Variants in SLC25A17 observed in about 807,000 individuals in gnomAD.
The protein encoded by SLC25A17 is solute carrier family 25 member 17.
SLC25A17 carries 26 observed loss-of-function variants against 38.5 expected under a neutral mutation model. That is an observed-to-expected ratio of 0.68 (90% confidence interval 0.50 to 0.94). The LOEUF is 0.94. SLC25A17 is among the 40% of genes least tolerant of loss of function. The pLI is 0.00. For synonymous variants in SLC25A17, 139 were observed against 136.2 expected, an observed-to-expected ratio of 1.02 and a Z score of -0.14; for missense variants, 333 against 372.7, an observed-to-expected ratio of 0.89 and a Z score of 0.88.
At chr22:40,791,774 T>C (rs2145674290) in intron 4 of SLC25A17, among the ~76,000 whole-genome samples, 1 of 152,286 alleles carries the variant, frequency 6.6e-6, no homozygotes, top group Admixed American at 6.5e-5. Context: ...TATGGGAACT[T>C]CTGTGTACTG....
intron 7 of SLC25A17, among the ~76,000 whole-genome samples, chr22:40,775,706 A>G (rs1029864103): frequency 6.7e-6 from 1 of 149,638 alleles, no homozygotes; most frequent in Non-Finnish European, 1.5e-5. Context: ...CTCATGATCC[A>G]CCCGCCTCGG....
At position 40,792,709 on chromosome 22, in the gene SLC25A17, T is replaced by G. The variant is rs751689098; in HGVS notation, c.183-33A>C. ...AAAAACACAATAAGCAAAGTAAAGGTCATGGACAAATTAGAAATTGGCAGA... is the reference window on the plus strand; with the variant it reads ...AAAAACACAATAAGCAAAGTAAAGGGCATGGACAAATTAGAAATTGGCAGA... On this transcript the variant is annotated intron_variant, in intron 3 of 8. Transcript: ENST00000435456. 6 of 1,606,432 alleles carry G rather than the reference T, an allele frequency of 3.7e-6. No individual in the cohort carries two copies. The Admixed American group carries it at 1.0e-4, about 28-fold the overall frequency.
chr22:40,775,625 G>C (rs970091741), intron 7 of SLC25A17, among the ~76,000 whole-genome samples: 1 of 150,452 alleles, frequency 6.6e-6, no homozygotes, highest in Admixed American at 6.6e-5. Context: ...CACCGCGCCC[G>C]GCTAATTTTT....
At position 40,814,754 on chromosome 22, in the gene SLC25A17, AATAT is replaced by A. The variant is rs10527651; in HGVS notation, c.54+4437_54+4440del. ...GGATGAGGAAAGGCAGTACGTGCAGAATATATATATATATATATATATATATATA... is the reference window on the plus strand; with the variant it reads ...GGATGAGGAAAGGCAGTACGTGCAGAATATATATATATATATATATATATA... On this transcript the variant is annotated intron_variant, in intron 1 of 8. Coordinates refer to ENST00000435456, the MANE Select transcript of SLC25A17 (RefSeq NM_006358.4). Among the ~76,000 whole-genome samples, 261 of 135,158 alleles carry A rather than the reference AATAT, an allele frequency of 1.9e-3. 1 individual carries two copies. The highest frequency in any genetic ancestry group is 0.017 in the East Asian group (65 of 3,902). 88.7% of individuals were successfully genotyped at this position (135,158 alleles called of 152,430 possible).
chr22:40,783,205 G>A (rs1215617442), intron 4 of SLC25A17, among the ~76,000 whole-genome samples: 1 of 152,202 alleles, frequency 6.6e-6, no homozygotes, highest in Non-Finnish European at 1.5e-5. Flanking sequence ...ACAAAGGATT[G>A]TAAAATTCTT....
chr22:40,806,643 A>G (rs946701074), intron 1 of SLC25A17, among the ~76,000 whole-genome samples: 3 of 152,232 alleles, frequency 2.0e-5, no homozygotes, highest in African/African-American at 7.2e-5. Flanking sequence ...CATTCTATAT[A>G]TTCATAATAT....
chr22:40,799,432 CAA>C (rs948247363), intron 1 of SLC25A17: 1 of 154,142 alleles, frequency 6.5e-6, no homozygotes, highest in Non-Finnish European at 1.4e-5. Context: ...GGCACGATCT[CAA>C]CTCACTGCAA....
At chr22:40,809,695 A>G (rs893661192) in intron 1 of SLC25A17, among the ~76,000 whole-genome samples, 9 of 152,132 alleles carry the variant, frequency 5.9e-5, no homozygotes, top group African/African-American at 2.2e-4. Context: ...TTCTAACACA[A>G]TAATATTGAT....
intron 1 of SLC25A17, among the ~76,000 whole-genome samples, chr22:40,818,772 T>C (rs371719857): frequency 2.0e-5 from 3 of 150,274 alleles, no homozygotes; most frequent in Admixed American, 6.6e-5. Flanking sequence ...GCTATCCTAC[T>C]AGGTATTGCC....
At chr22:40,807,700 G>T (rs1432678100) in intron 1 of SLC25A17, among the ~76,000 whole-genome samples, 1 of 152,152 alleles carries the variant, frequency 6.6e-6, no homozygotes, top group Non-Finnish European at 1.5e-5. Flanking sequence ...AGTGAGCCGA[G>T]ATCGCGCCAC....
rs543636177 is a variant in SLC25A17, at chr22:40,789,505, A to T, written c.334+3020T>A. 6.6e-6 allele frequency among the ~76,000 whole-genome samples: 1 copy of T among 151,966 alleles called. No homozygotes were observed. Among genetic ancestry groups the T allele is most frequent in the Non-Finnish European group, 1.5e-5 (1 of 67,936 alleles). On this transcript the variant is annotated intron_variant, in intron 4 of 8. Coordinates refer to ENST00000435456, the MANE Select transcript of SLC25A17 (RefSeq NM_006358.4). This position sits in a 1 kb window ranked among gnomAD's most constrained non-coding sequence, Gnocchi z 4.5. Reference sequence around the variant, plus strand: ...CTTTCCCTACCTTTTAAAATATTTTATGTTTGTTTGTTTATTTAGAGGTAG... The same window carrying T: ...CTTTCCCTACCTTTTAAAATATTTTTTGTTTGTTTGTTTATTTAGAGGTAG...
At chr22:40,775,444 T>G (rs2057232104) in intron 7 of SLC25A17, among the ~76,000 whole-genome samples, 3 of 45,144 alleles carry the variant, frequency 6.6e-5, no homozygotes, top group Admixed American at 1.7e-4. Flanking sequence ...TGGTTTTTTT[T>G]TTTTTTTTTT....
chr22:40,808,185 A>G (rs562706904), intron 1 of SLC25A17, among the ~76,000 whole-genome samples: 4 of 152,272 alleles, frequency 2.6e-5, no homozygotes, highest in Admixed American at 6.5e-5. Flanking sequence ...TAAACAATCT[A>G]TTTCCCAAGA....
chr22:40,795,887 A>G (rs1215812014), intron 2 of SLC25A17, among the ~76,000 whole-genome samples: 2 of 151,992 alleles, frequency 1.3e-5, no homozygotes, highest in Non-Finnish European at 2.9e-5. Context: ...TTCTGGGTGC[A>G]AGCAATTCTC....
At chr22:40,800,667 AG>A (rs1346469354) in intron 1 of SLC25A17, among the ~76,000 whole-genome samples, 1 of 152,022 alleles carries the variant, frequency 6.6e-6, no homozygotes, top group African/African-American at 2.4e-5. Context: ...AAAGTGCAGG[AG>A]TACTAGGTGT....
chr22:40,783,454 T>C (rs2057311023), intron 4 of SLC25A17, among the ~76,000 whole-genome samples: 1 of 152,236 alleles, frequency 6.6e-6, no homozygotes, highest in South Asian at 2.1e-4. Context: ...GAATTCACTT[T>C]CACACCTGTT....
At position 40,819,321 on chromosome 22, in the gene SLC25A17, A is replaced by G; in HGVS notation, c.-73T>C. 6.9e-7 allele frequency: 1 copy of G among 1,444,222 alleles called. No individual in the cohort carries two copies. Among genetic ancestry groups the G allele is most frequent in the East Asian group, 3.0e-5 (1 of 32,788 alleles). The allele number at this position is 1,444,222 out of a possible 1,614,324, so 89.5% of individuals were successfully genotyped here. On this transcript the variant is annotated 5_prime_UTR_variant, in exon 1 of 9. Transcript: ENST00000435456. Reference sequence around the variant, plus strand: ...CAGCCAGTGGAGTTAGGAAAGGAGCACCGGAGCTCAGGGTGTGAGAGTCGC... The same window carrying G: ...CAGCCAGTGGAGTTAGGAAAGGAGCGCCGGAGCTCAGGGTGTGAGAGTCGC...
At chr22:40,775,487 C>T (rs1459029995) in intron 7 of SLC25A17, among the ~76,000 whole-genome samples, 8 of 115,058 alleles carry the variant, frequency 7.0e-5, no homozygotes, top group African/African-American at 1.3e-4. Context: ...GACGGAGTCT[C>T]GCTCTGTCGC....
intron 4 of SLC25A17, among the ~76,000 whole-genome samples, chr22:40,787,131 T>C (rs2057345199): frequency 6.6e-6 from 1 of 151,914 alleles, no homozygotes; most frequent in Admixed American, 6.6e-5. Flanking sequence ...CTAGGGGTGG[T>C]GGGTACAGGA....
Sources: allele counts gnomAD v4.1 joint callset (sites outside exome capture counted in the v4.1 genomes callset), GRCh38; gene constraint gnomAD v4.1.1; non-coding constraint Gnocchi (gnomAD v3.1); transcripts MANE v1.5; gene names NCBI Gene and HGNC (gene_info 2026-07-23, HGNC 2026-07-21).